THSD7B: variants seen among roughly 807,000 people sequenced by gnomAD.
The protein encoded by THSD7B is thrombospondin type 1 domain containing 7B, also known as thrombospondin type-1 domain-containing protein 7B.
Under a neutral mutation model 213.6 loss-of-function variants are expected in THSD7B, and 138 were observed. That is an observed-to-expected ratio of 0.65 (90% confidence interval 0.56 to 0.74). The LOEUF is 0.74. Among genes scored for constraint, THSD7B ranks in the 30% least tolerant of loss-of-function variants. The probability of loss-of-function intolerance (pLI) is 0.00; values close to 1 mark genes in which losing one functional copy is unlikely to be tolerated. For synonymous variants in THSD7B, 742 were observed against 687.0 expected (o/e 1.08, Z -1.25); for missense variants, 1,931 against 1,991.5 (o/e 0.97, Z 0.58).
At position 137,630,655 on chromosome 2, in the gene THSD7B, C is replaced by T. The variant is rs189747521; in HGVS notation, c.3799+9929C>T. 2.5e-3 allele frequency among the ~76,000 whole-genome samples: 377 copies of T among 152,138 alleles called. 4 individuals are homozygous for T. Among genetic ancestry groups the T allele is most frequent in the African/African-American group, 8.8e-3 (364 of 41,482 alleles). ...TAGATGAACTTGTTTCTTAAGAGAC[C>T]AAATTGTGGAGCTGCAAAGGTTGGA... On this transcript the variant is annotated intron_variant, in intron 20 of 27. Coordinates refer to ENST00000409968, the MANE Select transcript of THSD7B (RefSeq NM_001316349.2).
chr2:136,939,981 T>A (rs574372079), intron 2 of THSD7B, among the ~76,000 whole-genome samples: 1 of 152,318 alleles, frequency 6.6e-6, no homozygotes, highest in African/African-American at 2.4e-5. Flanking sequence ...ACATGTGTAA[T>A]CACTATCCTA....
At chr2:136,859,889 C>T (rs974140907) in intron 1 of THSD7B, among the ~76,000 whole-genome samples, 6 of 152,200 alleles carry the variant, frequency 3.9e-5, no homozygotes, top group African/African-American at 1.2e-4. Flanking sequence ...CATCCCTTTT[C>T]CCTTTGTGTA....
intron 4 of THSD7B, among the ~76,000 whole-genome samples, chr2:137,097,842 T>C (rs754423196): frequency 3.3e-5 from 5 of 149,636 alleles, no homozygotes; most frequent in South Asian, 2.1e-4. Flanking sequence ...GAAATAGGAG[T>C]ATTGGAGAAT....
chr2:137,519,817 T>C (rs1474614392), intron 15 of THSD7B, among the ~76,000 whole-genome samples: 1 of 152,212 alleles, frequency 6.6e-6, no homozygotes, highest in African/African-American at 2.4e-5. Context: ...CACATTCTTC[T>C]TAGAATTCAT....
intron 4 of THSD7B, among the ~76,000 whole-genome samples, chr2:137,109,609 G>T (rs1487490166): frequency 6.6e-6 from 1 of 152,090 alleles, no homozygotes; most frequent in Admixed American, 6.5e-5. Context: ...CATAAGGAGC[G>T]CGCAACCTAG....
At chr2:137,464,065 A>G (rs1687939134) in intron 15 of THSD7B, among the ~76,000 whole-genome samples, 1 of 152,052 alleles carries the variant, frequency 6.6e-6, no homozygotes, top group African/African-American at 2.4e-5. Flanking sequence ...AGGAATATAG[A>G]TATTTGTCAT....
At chr2:137,595,922 A>G (rs1681949084) in intron 17 of THSD7B, among the ~76,000 whole-genome samples, 1 of 151,954 alleles carries the variant, frequency 6.6e-6, no homozygotes, top group Non-Finnish European at 1.5e-5. Context: ...AAATTGCTCA[A>G]TACTTTTGAA....
At chr2:136,878,550 C>T (rs557305905) in intron 1 of THSD7B, among the ~76,000 whole-genome samples, 8 of 152,122 alleles carry the variant, frequency 5.3e-5, no homozygotes, top group African/African-American at 1.9e-4. Flanking sequence ...TAAAAGTGTT[C>T]CTATTTCTCC....
rs889660052 is a variant in THSD7B at position 137,615,828 on chromosome 2, A to T, written c.3424-347A>T. Among the ~76,000 whole-genome samples the T allele has an allele frequency of 3.3e-4, 50 of 152,266 alleles. 1 individual carries two copies. The highest frequency in any genetic ancestry group is 8.5e-4 in the Admixed American group (13 of 15,294). ...GCAGTTTCTTCCTTTTTTTAAAAAA[A>T]AAAGCATTTAAACATTCAAAATATA... On this transcript the variant is annotated intron_variant, in intron 17 of 27. Coordinates refer to ENST00000409968, the MANE Select transcript of THSD7B (RefSeq NM_001316349.2).
intron 17 of THSD7B, among the ~76,000 whole-genome samples, chr2:137,594,142 T>G (rs1681914579): frequency 6.6e-6 from 1 of 151,958 alleles, no homozygotes; most frequent in South Asian, 2.1e-4. Flanking sequence ...CTCAGTCTGA[T>G]TTTGAAAGAC....
intron 2 of THSD7B, among the ~76,000 whole-genome samples, chr2:137,010,164 T>C (rs950504015): frequency 3.3e-5 from 5 of 152,158 alleles, no homozygotes; most frequent in African/African-American, 1.2e-4. Flanking sequence ...TTTGAGGACA[T>C]GTGTTTTCCA....
chr2:137,515,509 A>C (rs1362428848), intron 15 of THSD7B, among the ~76,000 whole-genome samples: 1 of 152,174 alleles, frequency 6.6e-6, no homozygotes, highest in African/African-American at 2.4e-5. Context: ...ACCCACAAGG[A>C]GGTACATGCC....
chr2:136,797,654 T>C (rs1427593), intron 1 of THSD7B, among the ~76,000 whole-genome samples: 109,157 of 151,780 alleles, frequency 0.72, 39,614 homozygotes, highest in East Asian at 0.97. Flanking sequence ...AGTGTTGGCG[T>C]TTGCATTTTT....
chr2:137,035,228 A>G (rs1686753799), intron 2 of THSD7B, among the ~76,000 whole-genome samples: 1 of 152,166 alleles, frequency 6.6e-6, no homozygotes, highest in African/African-American at 2.4e-5. Context: ...ACCTACTTCT[A>G]ACAGCCATTT....
At chr2:137,518,515 T>C (rs1433462188) in intron 15 of THSD7B, among the ~76,000 whole-genome samples, 1 of 152,138 alleles carries the variant, frequency 6.6e-6, no homozygotes, top group Non-Finnish European at 1.5e-5. Flanking sequence ...ACCAAAAAAT[T>C]TGGCGATGAG....
At chr2:137,171,505 G>T (rs1334243274) in intron 7 of THSD7B, among the ~76,000 whole-genome samples, 3 of 152,126 alleles carry the variant, frequency 2.0e-5, no homozygotes. Context: ...TCCTCAATCA[G>T]CAAGCACCTG....
intron 4 of THSD7B, among the ~76,000 whole-genome samples, chr2:137,102,465 C>T (rs1174687242): frequency 1.3e-5 from 2 of 152,148 alleles, no homozygotes; most frequent in Non-Finnish European, 2.9e-5. Flanking sequence ...ATTCCAAAAA[C>T]CAGAATTCCT....
chr2:137,313,430 C>G (rs1294474776), intron 12 of THSD7B, among the ~76,000 whole-genome samples: 5 of 128,240 alleles, frequency 3.9e-5, no homozygotes, highest in East Asian at 2.0e-4. Context: ...TTCCTGAATA[C>G]AGCACACTGA....
Position 137,405,623 on chromosome 2 carries a change from C to T in THSD7B, c.2511C>T (p.Cys837=), listed in dbSNP as rs766379124. 3.1e-6 allele frequency: 5 copies of T among 1,602,048 alleles called. No homozygotes were observed. Among genetic ancestry groups the T allele is most frequent in the Middle Eastern group, 3.3e-4 (2 of 5,998 alleles). The part of the protein sequence containing the change: ...GKGLQTRAVS[C]ISDDNRSAEM... ...CATGCTTTTTTTCAGCTGTCTCATGCATCTCTGATGACAACCGGTCAGCAG... is the reference window on the plus strand; with the variant it reads ...CATGCTTTTTTTCAGCTGTCTCATGTATCTCTGATGACAACCGGTCAGCAG... Residue 837 remains cysteine (C), a synonymous_variant, in exon 13 of 28, where the codon TGC becomes TGT. Coordinates refer to ENST00000409968, the MANE Select transcript of THSD7B (RefSeq NM_001316349.2).
Sources: gnomAD v4.1 joint callset for allele counts (sites outside exome capture counted in the v4.1 genomes callset) on GRCh38, gnomAD v4.1.1 for gene constraint, MANE v1.5 for transcripts, NCBI Gene and HGNC (gene_info 2026-07-23, HGNC 2026-07-21) for gene names.